The following SGCZ variants were observed in gnomAD, a reference collection of about 807,000 sequenced individuals.
The protein encoded by SGCZ is zeta-sarcoglycan.
A neutral mutation model predicts 41.3 loss-of-function variants in SGCZ; 40 were observed. The ratio of observed to expected loss-of-function variants is 0.97; its 90% confidence interval spans 0.75 to 1.26. SGCZ has a LOEUF of 1.26. SGCZ is among the 50% of genes most tolerant of loss of function. The probability of loss-of-function intolerance (pLI) is 0.00; values close to 1 mark genes in which losing one functional copy is unlikely to be tolerated. For missense variants in SGCZ, 552 were observed against 369.8 expected (o/e 1.49, Z -4.04); for synonymous variants, 206 against 137.5 (o/e 1.50, Z -3.49).
At chr8:14,166,485 C>G (rs746523471) in intron 4 of SGCZ, among the ~76,000 whole-genome samples, 24 of 152,116 alleles carry the variant, frequency 1.6e-4, no homozygotes, top group Non-Finnish European at 2.9e-4. Context: ...GTGACTTACT[C>G]TGAGGGACCC....
At chr8:14,594,718 C>A (rs557140213) in intron 1 of SGCZ, among the ~76,000 whole-genome samples, 4 of 151,782 alleles carry the variant, frequency 2.6e-5, no homozygotes, top group African/African-American at 9.7e-5. Flanking sequence ...ACTGTCTGTG[C>A]GTTGGGGGTG....
At chr8:14,609,184 AATAAC>A (rs1805849201) in intron 1 of SGCZ, among the ~76,000 whole-genome samples, 1 of 152,174 alleles carries the variant, frequency 6.6e-6, no homozygotes, top group Non-Finnish European at 1.5e-5. Flanking sequence ...TTGAGATTGT[AATAAC>A]ATAACAAAAT....
At chr8:14,946,004 CCATATATATATA>C (rs1407711523) in intron 1 of SGCZ, among the ~76,000 whole-genome samples, 4 of 45,760 alleles carry the variant, frequency 8.7e-5, no homozygotes, top group African/African-American at 3.5e-4. Flanking sequence ...CTAAATGTCC[CCATATATATATA>C]TATATATATA....
chr8:14,488,423 G>A (rs541347367), intron 2 of SGCZ, among the ~76,000 whole-genome samples: 2 of 150,974 alleles, frequency 1.3e-5, no homozygotes, highest in Non-Finnish European at 3.0e-5. Context: ...AAAGTTTAAA[G>A]AGGTTTCCTT....
intron 4 of SGCZ, among the ~76,000 whole-genome samples, chr8:14,222,044 A>G (rs943752101): frequency 3.3e-5 from 5 of 152,182 alleles, no homozygotes; most frequent in Non-Finnish European, 5.9e-5. Context: ...AGTACCCCCA[A>G]CAAACTGAAA....
chr8:14,725,314 TTGATA>T (rs752713699), intron 1 of SGCZ, among the ~76,000 whole-genome samples: 17 of 152,218 alleles, frequency 1.1e-4, no homozygotes, highest in Admixed American at 3.3e-4. Flanking sequence ...AGCTATCTCT[TTGATA>T]TATTTATTTT....
At chr8:14,437,234 C>T (rs1402248022) in intron 2 of SGCZ, among the ~76,000 whole-genome samples, 1 of 151,890 alleles carries the variant, frequency 6.6e-6, no homozygotes. Context: ...CAAGACAGAC[C>T]AACGGATTTT....
intron 1 of SGCZ, among the ~76,000 whole-genome samples, chr8:14,862,922 G>A (rs189790432): frequency 2.0e-4 from 30 of 152,052 alleles, no homozygotes; most frequent in Non-Finnish European, 3.1e-4. Flanking sequence ...GAAGCAGCTC[G>A]TTCAGCTGCT....
chr8:14,149,309 G>A (rs1256200039), intron 5 of SGCZ, among the ~76,000 whole-genome samples: 1 of 151,946 alleles, frequency 6.6e-6, no homozygotes, highest in African/African-American at 2.4e-5. Context: ...AAAATGATTA[G>A]AACTGATAAA....
intron 2 of SGCZ, among the ~76,000 whole-genome samples, chr8:14,529,232 G>A (rs1803050316): frequency 6.6e-6 from 1 of 152,022 alleles, no homozygotes; most frequent in African/African-American, 2.4e-5. Context: ...TTCCCCTTAT[G>A]ATCCTACAGC....
chr8:15,010,558 AAAGCATGTGTCCCT>A (rs1330272714), intron 1 of SGCZ, among the ~76,000 whole-genome samples: 5 of 152,190 alleles, frequency 3.3e-5, no homozygotes, highest in Admixed American at 2.6e-4. Flanking sequence ...AAATTATCAA[AAAGCATGTGTCCCT>A]AATCATGCGC....
chr8:14,791,415 C>G (rs1283988178), intron 1 of SGCZ, among the ~76,000 whole-genome samples: 1 of 151,720 alleles, frequency 6.6e-6, no homozygotes, highest in Non-Finnish European at 1.5e-5. Flanking sequence ...TGGTCAGCAG[C>G]TAACTGGTAT....
In SGCZ at chr8:15,200,990, C is replaced by G. The variant is rs560085477; in HGVS notation, c.39+36595G>C. Among the ~76,000 whole-genome samples the G allele has an allele frequency of 2.6e-5, 4 of 152,262 alleles. No homozygotes were observed. The East Asian group carries it at 7.7e-4, about 29-fold the overall frequency. ...AAAATAACAAACTCTCTCCCTTCCC[C>G]CACTACCAAAGCGTCCCCAATCAGA... On this transcript the variant is annotated intron_variant, in intron 1 of 7. Transcript: ENST00000382080.
chr8:14,738,455 T>G (rs1311680979), intron 1 of SGCZ, among the ~76,000 whole-genome samples: 2 of 152,038 alleles, frequency 1.3e-5, no homozygotes, highest in East Asian at 1.9e-4. Context: ...TTAAAAAAAG[T>G]TTTTAATTTT....
chr8:14,919,305 G>A (rs968611616), intron 1 of SGCZ, among the ~76,000 whole-genome samples: 3 of 152,126 alleles, frequency 2.0e-5, no homozygotes, highest in South Asian at 4.2e-4. Context: ...GCTGGGTGTC[G>A]TGGCATGTGC....
chr8:15,051,081 A>T (rs1241829936), intron 1 of SGCZ, among the ~76,000 whole-genome samples: 3 of 152,144 alleles, frequency 2.0e-5, no homozygotes, highest in Admixed American at 1.3e-4. Flanking sequence ...CATAGAGATG[A>T]TTTATTCTGA....
In SGCZ at chr8:15,083,635, A is replaced by G. The variant is rs188308172; in HGVS notation, c.39+153950T>C. Among the ~76,000 whole-genome samples, 237 of 152,100 alleles carry G rather than the reference A, an allele frequency of 1.6e-3. 1 individual carries two copies. Among genetic ancestry groups the G allele is most frequent in the African/African-American group, 5.3e-3 (220 of 41,486 alleles). ...TCTATCACAGCTCACTGCAGCCTTGACCTCCCAGGCTCAAGCAATCCTCCC... is the reference window on the plus strand; with the variant it reads ...TCTATCACAGCTCACTGCAGCCTTGGCCTCCCAGGCTCAAGCAATCCTCCC... On this transcript the variant is annotated intron_variant, in intron 1 of 7. Coordinates refer to ENST00000382080, the MANE Select transcript of SGCZ (RefSeq NM_139167.4).
intron 1 of SGCZ, among the ~76,000 whole-genome samples, chr8:14,899,019 A>G (rs1805304804): frequency 1.3e-5 from 2 of 152,184 alleles, no homozygotes; most frequent in Non-Finnish European, 2.9e-5. Context: ...TGAATATTGA[A>G]CTTTTTACCG....
intron 1 of SGCZ, among the ~76,000 whole-genome samples, chr8:15,013,275 T>C (rs1478774202): frequency 2.0e-5 from 3 of 152,186 alleles, no homozygotes; most frequent in Non-Finnish European, 4.4e-5. Context: ...ATTCTTGCTA[T>C]GAACCTTTAT....
Sources: gnomAD v4.1 joint callset for allele counts (sites outside exome capture counted in the v4.1 genomes callset) on GRCh38, gnomAD v4.1.1 for gene constraint, MANE v1.5 for transcripts, NCBI Gene and HGNC (gene_info 2026-07-23, HGNC 2026-07-21) for gene names.